KIRREL3: variants seen among roughly 807,000 people sequenced by gnomAD.
The protein encoded by KIRREL3 is kirre like nephrin family adhesion molecule 3.
Under a neutral mutation model 89.7 loss-of-function variants are expected in KIRREL3, and 36 were observed. The ratio of observed to expected loss-of-function variants is 0.40; its 90% CI spans 0.31 to 0.53. The LOEUF (loss-of-function observed/expected upper bound fraction) is 0.53. KIRREL3 is among the 20% of genes least tolerant of loss of function. The pLI is 0.49. For missense variants in KIRREL3, 864 were observed against 1,056.6 expected (o/e 0.82, Z 2.53); for synonymous variants, 445 against 441.4 (o/e 1.01, Z -0.10).
At chr11:126,888,699 G>A (rs1228827204) in intron 1 of KIRREL3, among the ~76,000 whole-genome samples, 1 of 152,114 alleles carries the variant, frequency 6.6e-6, no homozygotes, top group Non-Finnish European at 1.5e-5. Flanking sequence ...GACGCCGCTC[G>A]AGGTTTACTA....
chr11:127,000,401 C>T lies in KIRREL3; in HGVS notation c.55+54G>A. On this transcript the variant is annotated intron_variant, in intron 1 of 16. Coordinates refer to ENST00000525144, the MANE Select transcript of KIRREL3 (RefSeq NM_032531.4). The surrounding 1 kb of genome is among the most constrained non-coding windows in gnomAD (Gnocchi z 7.1). ...CCACGTTCCTGCCCACAGCCTCCCG[C>T]GCCCTGACAACCCAGCCGACTTTCT... 2.0e-6 allele frequency: 3 copies of T among 1,502,940 alleles called. No homozygotes were observed. Among genetic ancestry groups the T allele is most frequent in the East Asian group, 2.5e-5 (1 of 40,616 alleles). The allele number at this position is 1,502,940 out of a possible 1,614,324, so 93.1% of individuals were successfully genotyped here. A position where few individuals can be genotyped will look rare whatever the true frequency, so the allele number is the denominator to read the frequency against.
In KIRREL3 at chr11:126,562,886, A is replaced by G; in HGVS notation, c.82T>C (p.Cys28Arg). 1.9e-6 allele frequency: 3 copies of G among 1,613,846 alleles called. No individual in the cohort carries two copies. The highest frequency in any genetic ancestry group is 2.5e-6 in the Non-Finnish European group (3 of 1,179,782). Residue 28 changes from cysteine to arginine, a missense_variant, in exon 2 of 17, where the codon TGT (cysteine) becomes CGT (arginine). Physicochemically the swap from Cys to Arg is radical, Grantham distance 180. Coordinates refer to ENST00000525144, the MANE Select transcript of KIRREL3 (RefSeq NM_032531.4). This position sits in a 1 kb window ranked among gnomAD's most constrained non-coding sequence, Gnocchi z 4.7. ...QELGLQKRGC[C>R]LVLGYMAKDK... ...TTGGCCATGTAGCCCAGCACCAGAC[A>G]GCATCCTCTCTTCTGGAGGCCCAGC...
chr11:126,620,678 G>A lies in KIRREL3; in HGVS notation c.56-57766C>T, dbSNP rs1943539877. ...CAGATGTTACAATTAGTTCCTTCCT[G>A]GTCCCACATTCATTCCCTTGCTGCC... On this transcript the variant is annotated intron_variant, in intron 1 of 16. Transcript: ENST00000525144. The surrounding 1 kb of genome is among the most constrained non-coding windows in gnomAD (Gnocchi z 4.8). Among the ~76,000 whole-genome samples, 1 of 152,146 alleles carries A rather than the reference G, an allele frequency of 6.6e-6. No individual in the cohort carries two copies. Among genetic ancestry groups the A allele is most frequent in the South Asian group, 2.1e-4 (1 of 4,824 alleles).
chr11:126,737,484 T>C (rs1037335922), intron 1 of KIRREL3, among the ~76,000 whole-genome samples: 2 of 152,212 alleles, frequency 1.3e-5, no homozygotes, highest in African/African-American at 4.8e-5. Flanking sequence ...GATGGTCTCC[T>C]GAGTCACACC....
At chr11:126,511,478 C>T (rs538051013) in intron 4 of KIRREL3, among the ~76,000 whole-genome samples, 1 of 152,338 alleles carries the variant, frequency 6.6e-6, no homozygotes, top group Non-Finnish European at 1.5e-5. Context: ...ATTCCCACTC[C>T]AAAGGCAGCA....
rs1945589330 is a variant in KIRREL3 at position 126,883,648 on chromosome 11, A to G, written c.55+116807T>C. 6.6e-6 allele frequency among the ~76,000 whole-genome samples: 1 copy of G among 152,108 alleles called. No homozygotes were observed. Among genetic ancestry groups the G allele is most frequent in the Non-Finnish European group, 1.5e-5 (1 of 68,026 alleles). The stretch of plus-strand genomic sequence containing the variant: ...ACTCCCATAAAACCTCTATTTTAGC[A>G]TTTACTTCCTTACACATAGACTTTT... On this transcript the variant is annotated intron_variant, in intron 1 of 16. Transcript: ENST00000525144. This position sits in a 1 kb window ranked among gnomAD's most constrained non-coding sequence, Gnocchi z 4.1.
chr11:126,874,487 G>A lies in KIRREL3; in HGVS notation c.55+125968C>T, dbSNP rs531012863. 6.6e-5 allele frequency among the ~76,000 whole-genome samples: 10 copies of A among 152,286 alleles called. No homozygotes were observed. In the East Asian group the frequency reaches 9.6e-4, roughly 15 times the overall value. ...GCCTGTGCTGCTGATGACTGCACTC[G>A]GAAGAATTTTCAAAGTAAATGTACT... On this transcript the variant is annotated intron_variant, in intron 1 of 16. Transcript: ENST00000525144.
intron 1 of KIRREL3, among the ~76,000 whole-genome samples, chr11:126,854,845 T>C (rs1944458421): frequency 6.6e-6 from 1 of 152,222 alleles, no homozygotes; most frequent in Admixed American, 6.5e-5. Flanking sequence ...TTACCAACAG[T>C]GCACAAAGGG....
chr11:126,903,149 G>A lies in KIRREL3; in HGVS notation c.55+97306C>T, dbSNP rs1185010753. Among the ~76,000 whole-genome samples the A allele has an allele frequency of 6.6e-6, 1 of 152,096 alleles. No individual in the cohort carries two copies. The highest frequency in any genetic ancestry group is 1.5e-5 in the Non-Finnish European group (1 of 68,016). On this transcript the variant is annotated intron_variant, in intron 1 of 16. Coordinates refer to ENST00000525144, the MANE Select transcript of KIRREL3 (RefSeq NM_032531.4). This position sits in a 1 kb window ranked among gnomAD's most constrained non-coding sequence, Gnocchi z 4.5. ...AAAGCACTCTCTCAGGCACAAATAT[G>A]CTTCTGATTTAAGAAATTATTATAG...
At chr11:126,670,735 A>C (rs1945902225) in intron 1 of KIRREL3, among the ~76,000 whole-genome samples, 1 of 152,240 alleles carries the variant, frequency 6.6e-6, no homozygotes, top group African/African-American at 2.4e-5. Flanking sequence ...AGATAAATAC[A>C]AATTTGTGTC....
At chr11:126,473,789 G>T (rs11220513) in intron 4 of KIRREL3, among the ~76,000 whole-genome samples, 30,174 of 151,904 alleles carry the variant, frequency 0.2, 3,310 homozygotes, top group Admixed American at 0.33. Flanking sequence ...GTCTGTGGCT[G>T]CTTTTTAACT....
At chr11:126,868,961 A>C (rs1443498547) in intron 1 of KIRREL3, among the ~76,000 whole-genome samples, 1 of 151,996 alleles carries the variant, frequency 6.6e-6, no homozygotes, top group East Asian at 1.9e-4. Flanking sequence ...TAAAAGCACT[A>C]ATCCCATTCA....
intron 1 of KIRREL3, among the ~76,000 whole-genome samples, chr11:126,577,654 C>T (rs661535): frequency 1.3e-5 from 2 of 149,268 alleles, no homozygotes; most frequent in Admixed American, 6.7e-5. Flanking sequence ...CCCAGCTATT[C>T]GGGAGGCTGA....
chr11:126,831,398 TAAGTCAG>T, intron 1 of KIRREL3, among the ~76,000 whole-genome samples: 1 of 146,958 alleles, frequency 6.8e-6, no homozygotes, highest in Admixed American at 7.0e-5. Context: ...TTCTCTCTCT[TAAGTCAG>T]TCTCTCTGTC....
Position 126,844,113 on chromosome 11 carries a change from C to T in KIRREL3, c.55+156342G>A, listed in dbSNP as rs891626022. Among the ~76,000 whole-genome samples, 1 of 152,146 alleles carries T rather than the reference C, an allele frequency of 6.6e-6. No homozygotes were observed. Among genetic ancestry groups the T allele is most frequent in the East Asian group, 1.9e-4 (1 of 5,188 alleles). On this transcript the variant is annotated intron_variant, in intron 1 of 16. Coordinates refer to ENST00000525144, the MANE Select transcript of KIRREL3 (RefSeq NM_032531.4). The surrounding 1 kb of genome is among the most constrained non-coding windows in gnomAD (Gnocchi z 4.8). ...CCCTCTTTTGGAGTCTGGATGGGGA[C>T]CCCTTTCCAGTAACATCTTCCTGGT...
chr11:126,862,978 G>A (rs1219794199), intron 1 of KIRREL3, among the ~76,000 whole-genome samples: 1 of 152,214 alleles, frequency 6.6e-6, no homozygotes, highest in Non-Finnish European at 1.5e-5. Flanking sequence ...GCCAGCACTG[G>A]GATACCAGAG....
intron 1 of KIRREL3, among the ~76,000 whole-genome samples, chr11:126,998,753 G>T (rs144188157): frequency 9.9e-5 from 15 of 152,176 alleles, no homozygotes; most frequent in Non-Finnish European, 2.1e-4. Context: ...AAGTATCACG[G>T]ATCAAGCTTC....
intron 2 of KIRREL3, among the ~76,000 whole-genome samples, chr11:126,538,526 C>T (rs1316410298): frequency 6.6e-6 from 1 of 152,214 alleles, no homozygotes; most frequent in Non-Finnish European, 1.5e-5. Context: ...TGCTGTGTTC[C>T]TGCTGCTCAG....
At chr11:126,663,093 A>G (rs1446777685) in intron 1 of KIRREL3, among the ~76,000 whole-genome samples, 1 of 151,280 alleles carries the variant, frequency 6.6e-6, no homozygotes, top group African/African-American at 2.4e-5. Flanking sequence ...AGTGCAGGGC[A>G]TCTCCACACG....
Sources: gnomAD v4.1 joint callset for allele counts (sites outside exome capture counted in the v4.1 genomes callset) on GRCh38, gnomAD v4.1.1 for gene constraint, Gnocchi (gnomAD v3.1) non-coding constraint, MANE v1.5 for transcripts, NCBI Gene and HGNC (gene_info 2026-07-23, HGNC 2026-07-21) for gene names.